ASPA: variants seen among roughly 807,000 people sequenced by gnomAD.
The protein encoded by ASPA is ACY-2.
Under a neutral mutation model 29.6 loss-of-function variants are expected in ASPA, and 25 were observed. The ratio of observed to expected loss-of-function variants is 0.85; its 90% CI spans 0.62 to 1.18. The LOEUF is 1.18. ASPA is among the 50% of genes most tolerant of loss of function. The pLI is 0.00. For synonymous variants in ASPA, 131 were observed against 130.3 expected, an observed-to-expected ratio of 1.01 and a Z score of -0.04; for missense variants, 333 against 385.7, an observed-to-expected ratio of 0.86 and a Z score of 1.14.
intron 5 of ASPA, among the ~76,000 whole-genome samples, chr17:3,496,888 A>G (rs1484791279): frequency 1.3e-5 from 2 of 152,040 alleles, no homozygotes; most frequent in Non-Finnish European, 2.9e-5. Flanking sequence ...AACACGGTGA[A>G]ACCCCATCTC....
chr17:3,478,504 G>T (rs561770802), intron 1 of ASPA, among the ~76,000 whole-genome samples: 14 of 152,292 alleles, frequency 9.2e-5, no homozygotes, highest in African/African-American at 2.6e-4. Flanking sequence ...TGACCTAAGA[G>T]AGCTGTTAAC....
intron 4 of ASPA, among the ~76,000 whole-genome samples, chr17:3,491,074 C>T (rs1012531842): frequency 6.6e-6 from 1 of 152,186 alleles, no homozygotes; most frequent in Non-Finnish European, 1.5e-5. Context: ...GGGCTTCATT[C>T]TTGACTCTGT....
intron 4 of ASPA, among the ~76,000 whole-genome samples, chr17:3,493,553 T>A (rs1225307703): frequency 8.1e-5 from 7 of 86,344 alleles, no homozygotes; most frequent in Non-Finnish European, 1.2e-4. Context: ...AGAGCGAGGT[T>A]CCATCTCAAA....
At chr17:3,474,731 A>G (rs1050017437), upstream of ASPA, among the ~76,000 whole-genome samples, 5 of 152,232 alleles carry the variant, frequency 3.3e-5, no homozygotes, top group Non-Finnish European at 7.3e-5. Context: ...TTTTTCCACC[A>G]TGTATTTGGT....
upstream of ASPA, chr17:3,475,967 T>G (rs868423736): frequency 1.2e-5 from 7 of 606,404 alleles, no homozygotes; most frequent in Middle Eastern, 1.3e-3. Flanking sequence ...AGGGCAGGGC[T>G]AAAGAAGGGA....
Position 3,495,134 on chromosome 17 carries a change from C to T in ASPA, c.744+675C>T, listed in dbSNP as rs1324759802. 7.9e-5 allele frequency among the ~76,000 whole-genome samples: 12 copies of T among 151,922 alleles called. No individual in the cohort carries two copies. In the East Asian group the frequency reaches 1.3e-3, roughly 17 times the overall value. ...TGAGAGAATGTAGGAGGTTTAAATC[C>T]GGAAAAGGCAAAGGGAAAAGGAGAG... On this transcript the variant is annotated intron_variant, in intron 5 of 5. Transcript: ENST00000263080.
rs544785574 is a variant in ASPA at position 3,478,196 on chromosome 17, T to A, written c.236+1801T>A. Among the ~76,000 whole-genome samples, 361 of 150,594 alleles carry A rather than the reference T, an allele frequency of 2.4e-3. 5 individuals carry two copies. Among genetic ancestry groups the A allele is most frequent in the South Asian group, 0.017 (82 of 4,784 alleles). ...CGAGACTCCGTCTCAAAAAAAAAAA[T>A]ATATATATATATAAGATATGCACAG... On this transcript the variant is annotated intron_variant, in intron 1 of 5. Transcript: ENST00000263080.
At chr17:3,489,853 C>A (rs1014210121) in intron 4 of ASPA, among the ~76,000 whole-genome samples, 1 of 152,160 alleles carries the variant, frequency 6.6e-6, no homozygotes, top group Non-Finnish European at 1.5e-5. Flanking sequence ...CCCAGCGATT[C>A]CACATCTCAA....
At chr17:3,486,060 G>A (rs1254473527) in intron 3 of ASPA, among the ~76,000 whole-genome samples, 1 of 151,952 alleles carries the variant, frequency 6.6e-6, no homozygotes, top group Admixed American at 6.6e-5. Context: ...AGCCTCCTGA[G>A]TAGCTGGGAT....
intron 4 of ASPA, 65 bp from the exon 5 acceptor site, chr17:3,494,285 T>G (rs556571168): frequency 1.6e-5 from 20 of 1,271,576 alleles, no homozygotes; most frequent in Admixed American, 1.4e-4. Flanking sequence ...ATGACAGGCA[T>G]GAGCCACCAC....
chr17:3,497,849 C>G (rs1182001591), intron 5 of ASPA, among the ~76,000 whole-genome samples: 1 of 152,142 alleles, frequency 6.6e-6, no homozygotes, highest in African/African-American at 2.4e-5. Flanking sequence ...AGGCCCCCAC[C>G]CCCAACCTAT....
At chr17:3,477,096 A>G (rs2073537234) in intron 1 of ASPA, among the ~76,000 whole-genome samples, 2 of 152,044 alleles carry the variant, frequency 1.3e-5, no homozygotes. Context: ...CGGAGCTTGC[A>G]GTGAGCCAAG....
intron 1 of ASPA, among the ~76,000 whole-genome samples, chr17:3,477,071 C>T (rs1343748575): frequency 1.3e-5 from 2 of 151,838 alleles, no homozygotes; most frequent in African/African-American, 4.8e-5. Context: ...AGGAGAATGG[C>T]GTGAACCCGG....
In ASPA at chr17:3,501,346, G is replaced by A. The variant is rs1350928594; in HGVS notation, c.*2258G>A. ...AAATATCAACATTAACAGGAGTTTGGAAAAAGTGAATTCCAACCCTCTTGG... is the reference window on the plus strand; with the variant it reads ...AAATATCAACATTAACAGGAGTTTGAAAAAAGTGAATTCCAACCCTCTTGG... On this transcript the variant is annotated 3_prime_UTR_variant, in exon 6 of 6. Coordinates refer to ENST00000263080, the MANE Select transcript of ASPA (RefSeq NM_000049.4). 6.6e-6 allele frequency: 1 copy of A among 152,080 alleles called. No individual in the cohort carries two copies. The highest frequency in any genetic ancestry group is 1.5e-5 in the Non-Finnish European group (1 of 68,032). The allele number at this position is 152,080 out of a possible 1,614,324, so 9.4% of individuals were successfully genotyped here. A position where few individuals can be genotyped will look rare whatever the true frequency, so the allele number is the denominator to read the frequency against.
intron 5 of ASPA, among the ~76,000 whole-genome samples, chr17:3,498,498 C>T (rs532895590): frequency 3.3e-5 from 5 of 152,144 alleles, no homozygotes; most frequent in African/African-American, 1.2e-4. Flanking sequence ...CAGGCATGCA[C>T]CACCACACCC....
In ASPA at chr17:3,490,354, ATTAG is replaced by A. The variant is rs1567615273; in HGVS notation, c.634+1016_634+1019del. Among the ~76,000 whole-genome samples the A allele has an allele frequency of 1.3e-5, 2 of 152,340 alleles. No homozygotes were observed. Among genetic ancestry groups the A allele is most frequent in the South Asian group, 4.1e-4 (2 of 4,832 alleles). On this transcript the variant is annotated intron_variant, in intron 4 of 5. Transcript: ENST00000263080. This position sits in a 1 kb window ranked among gnomAD's most constrained non-coding sequence, Gnocchi z 4.6. ...AATCTAAAACTGCACTAAAAAGTCTATTAGTTATAAAAAAAGTTTACTTTAAAAT... is the reference window on the plus strand; with the variant it reads ...AATCTAAAACTGCACTAAAAAGTCTATTATAAAAAAAGTTTACTTTAAAAT...
intron 1 of ASPA, 58 bp from the exon 2 acceptor site, chr17:3,481,545 A>G (rs1237086880): frequency 8.8e-6 from 13 of 1,478,080 alleles, no homozygotes; most frequent in Non-Finnish European, 1.1e-5. Context: ...TTCTTATTAT[A>G]TGTTTATATT....
At chr17:3,494,155 A>G (rs1448599982) in intron 4 of ASPA, among the ~76,000 whole-genome samples, 195 bp from the exon 5 acceptor site, 2 of 151,648 alleles carry the variant, frequency 1.3e-5, no homozygotes, top group African/African-American at 4.9e-5. Context: ...CCTCCCAAGT[A>G]ACTAGGATAA....
chr17:3,480,082 T>C (rs1016206539), intron 1 of ASPA, among the ~76,000 whole-genome samples: 3 of 152,146 alleles, frequency 2.0e-5, no homozygotes, highest in African/African-American at 4.8e-5. Context: ...CCTCTAGTGG[T>C]TCCTGGACCT....
Sources: allele counts gnomAD v4.1 joint callset (sites outside exome capture counted in the v4.1 genomes callset), GRCh38; gene constraint gnomAD v4.1.1; non-coding constraint Gnocchi (gnomAD v3.1); transcripts MANE v1.5; gene names NCBI Gene and HGNC (gene_info 2026-07-23, HGNC 2026-07-21).